NELL1: variants seen among roughly 807,000 people sequenced by gnomAD.
NELL1 encodes protein kinase C-binding protein NELL1.
Under a neutral mutation model 107.4 loss-of-function variants are expected in NELL1, and 76 were observed. The ratio of observed to expected loss-of-function variants is 0.71; its 90% CI spans 0.59 to 0.86. NELL1 has a LOEUF of 0.86. Among genes scored for constraint, NELL1 ranks in the 40% least tolerant of loss-of-function variants. NELL1 has a pLI of 0.00. For missense variants in NELL1, 1,024 were observed against 1,005.5 expected (o/e 1.02, Z -0.25); for synonymous variants, 353 against 341.2 (o/e 1.03, Z -0.38).
chr11:20,912,813 A>G (rs1850161401), intron 5 of NELL1, among the ~76,000 whole-genome samples: 1 of 152,140 alleles, frequency 6.6e-6, no homozygotes, highest in Admixed American at 6.6e-5. Context: ...TGGTAAACAT[A>G]TGTTTATAGG....
intron 15 of NELL1, 100 bp from the exon 16 acceptor site, chr11:21,534,274 T>C (rs1290363763): frequency 2.2e-6 from 3 of 1,369,552 alleles, no homozygotes; most frequent in Non-Finnish European, 3.1e-6. Context: ...TAAACAGTTT[T>C]AATTGATATG....
intron 7 of NELL1, 128 bp from the exon 8 acceptor site, chr11:20,927,180 A>G (rs1850515552): frequency 1.3e-6 from 1 of 765,096 alleles, no homozygotes; most frequent in Non-Finnish European, 2.1e-6. Context: ...AGATAATGCT[A>G]AGAATCAGTG....
At chr11:20,672,590 G>T (rs771384774) in intron 1 of NELL1, among the ~76,000 whole-genome samples, 6 of 152,148 alleles carry the variant, frequency 3.9e-5, no homozygotes, top group Non-Finnish European at 7.3e-5. Flanking sequence ...TTCTGGTTGA[G>T]AAATAATTCA....
chr11:21,160,845 T>G (rs942133136), intron 13 of NELL1, among the ~76,000 whole-genome samples: 1 of 152,094 alleles, frequency 6.6e-6, no homozygotes, highest in Non-Finnish European at 1.5e-5. Context: ...AAGGTCACCT[T>G]TTTTTACTCC....
At chr11:21,448,699 C>T (rs1471602450) in intron 15 of NELL1, among the ~76,000 whole-genome samples, 1 of 152,166 alleles carries the variant, frequency 6.6e-6, no homozygotes, top group Non-Finnish European at 1.5e-5. Context: ...AAAATTTCCT[C>T]ATCCATTTTT....
At chr11:21,322,330 G>C (rs1442538338) in intron 14 of NELL1, among the ~76,000 whole-genome samples, 1 of 152,066 alleles carries the variant, frequency 6.6e-6, no homozygotes, top group Non-Finnish European at 1.5e-5. Context: ...TGGCATCTAT[G>C]GTTCCTTCTA....
Position 20,762,802 on chromosome 11 carries a change from G to C in NELL1, c.185-20878G>C, listed in dbSNP as rs554905751. Among the ~76,000 whole-genome samples the C allele has an allele frequency of 1.3e-3, 194 of 150,678 alleles. 1 individual carries two copies. The highest frequency in any genetic ancestry group is 4.7e-3 in the African/African-American group (192 of 40,748). On this transcript the variant is annotated intron_variant, in intron 2 of 19. Transcript: ENST00000357134. Reference sequence around the variant, plus strand: ...GTTTTTTACATTTTTGTCTTTTTTAGAGAACATGGGGTCTGGATCATTTGG... The same window carrying C: ...GTTTTTTACATTTTTGTCTTTTTTACAGAACATGGGGTCTGGATCATTTGG...
At chr11:21,547,174 T>TTACC (rs1372901927) in intron 16 of NELL1, among the ~76,000 whole-genome samples, 2 of 151,892 alleles carry the variant, frequency 1.3e-5, no homozygotes, top group African/African-American at 4.8e-5. Flanking sequence ...GGGATGGCAA[T>TTACC]GTATATGGTA....
At chr11:21,468,649 A>C (rs902417309) in intron 15 of NELL1, among the ~76,000 whole-genome samples, 1 of 152,092 alleles carries the variant, frequency 6.6e-6, no homozygotes, top group Non-Finnish European at 1.5e-5. Context: ...GTTAGGTAGA[A>C]CCTATGACCA....
At chr11:21,490,429 A>G (rs1445223037) in intron 15 of NELL1, among the ~76,000 whole-genome samples, 1 of 149,922 alleles carries the variant, frequency 6.7e-6, no homozygotes, top group South Asian at 2.1e-4. Flanking sequence ...ACAGAATTCA[A>G]AAAATCAATT....
intron 13 of NELL1, among the ~76,000 whole-genome samples, chr11:21,144,605 G>A (rs1855936642): frequency 6.6e-6 from 1 of 152,142 alleles, no homozygotes; most frequent in Admixed American, 6.5e-5. Flanking sequence ...TATCCCCAGG[G>A]AAATGTTCCT....
At chr11:21,391,521 A>T (rs973952226) in intron 15 of NELL1, among the ~76,000 whole-genome samples, 1 of 151,718 alleles carries the variant, frequency 6.6e-6, no homozygotes, top group Non-Finnish European at 1.5e-5. Context: ...CTTCTGCCTT[A>T]CTTTTCATAT....
chr11:21,113,589 A>C lies in NELL1; in HGVS notation c.1301A>C (p.Asp434Ala). The C allele has an allele frequency of 6.2e-7, 1 of 1,608,598 alleles. No individual in the cohort carries two copies. Among genetic ancestry groups the C allele is most frequent in the East Asian group, 2.2e-5 (1 of 44,744 alleles). ...SVQGDSAYCEDIDECAAKMHY... is the reference protein window; with the variant it reads ...SVQGDSAYCEAIDECAAKMHY... ...ATCTTACTTATTTTTTTTCCTTCAG[A>C]TATTGATGAGTGTGCAGCTAAGATG... Residue 434 changes from aspartate (D) to alanine (A), a missense_variant and splice_region_variant, in exon 13 of 20, where the codon GAT becomes GCT. Physicochemically the swap from Asp to Ala is moderately radical, Grantham distance 126. Coordinates refer to ENST00000357134, the MANE Select transcript of NELL1 (RefSeq NM_006157.5).
chr11:21,004,350 C>T (rs1852285701), intron 12 of NELL1, among the ~76,000 whole-genome samples: 2 of 152,024 alleles, frequency 1.3e-5, no homozygotes, highest in African/African-American at 4.8e-5. Flanking sequence ...TTATAATAAA[C>T]ATTTTTATAA....
Position 20,807,902 on chromosome 11 carries a change from C to G in NELL1, c.335+24072C>G, listed in dbSNP as rs187066893. On this transcript the variant is annotated intron_variant, in intron 3 of 19. Transcript: ENST00000357134. ...TAAGGCCCAAAGTCTCTTCAGTCAG[C>G]TTGTGGTAAATGCTGCTTGGCCTGG... Among the ~76,000 whole-genome samples, 269 of 152,228 alleles carry G rather than the reference C, an allele frequency of 1.8e-3. 1 individual carries two copies. Among genetic ancestry groups the G allele is most frequent in the Non-Finnish European group, 3.2e-3 (217 of 68,018 alleles).
intron 15 of NELL1, among the ~76,000 whole-genome samples, chr11:21,398,326 A>T (rs536052657): frequency 1.6e-4 from 24 of 151,758 alleles, no homozygotes; most frequent in African/African-American, 5.5e-4. Flanking sequence ...ATGTTCATTA[A>T]AAAATATGAC....
chr11:21,104,442 T>C (rs991995251), intron 12 of NELL1, among the ~76,000 whole-genome samples: 4 of 152,234 alleles, frequency 2.6e-5, no homozygotes, highest in Non-Finnish European at 4.4e-5. Flanking sequence ...TGTTTGATTC[T>C]GAAATTGAGC....
At chr11:21,240,325 G>C (rs1325568522) in intron 14 of NELL1, among the ~76,000 whole-genome samples, 3 of 151,982 alleles carry the variant, frequency 2.0e-5, no homozygotes, top group African/African-American at 7.2e-5. Context: ...TCATAAAAAT[G>C]CTTACCAACA....
chr11:21,102,929 A>G (rs1028213113), intron 12 of NELL1, among the ~76,000 whole-genome samples: 2 of 152,212 alleles, frequency 1.3e-5, no homozygotes, highest in African/African-American at 4.8e-5. Context: ...AAGGTCATAG[A>G]TATAGTCACA....
Sources: gnomAD v4.1 joint callset for allele counts (sites outside exome capture counted in the v4.1 genomes callset) on GRCh38, gnomAD v4.1.1 for gene constraint, MANE v1.5 for transcripts, NCBI Gene and HGNC (gene_info 2026-07-23, HGNC 2026-07-21) for gene names.